GABRG3: variants seen among roughly 807,000 people sequenced by gnomAD.
GABRG3 encodes the protein gamma-aminobutyric acid type A receptor subunit gamma3.
GABRG3 carries 25 observed loss-of-function variants against 48.8 expected under a neutral mutation model. That is an observed-to-expected ratio of 0.51 (90% CI 0.37 to 0.72). The LOEUF (loss-of-function observed/expected upper bound fraction) is 0.72, where lower values mean the gene tolerates loss of function less well. Ranked by LOEUF, GABRG3 falls within the 30% of genes least tolerant of loss-of-function variation. The pLI, the probability that GABRG3 is intolerant of heterozygous loss-of-function variation, is 0.00. For synonymous variants in GABRG3, 227 were observed against 217.6 expected (o/e 1.04, Z -0.38); for missense variants, 394 against 577.9 (o/e 0.68, Z 3.26).
chr15:27,166,282 A>G (rs889414288), intron 3 of GABRG3, among the ~76,000 whole-genome samples: 3 of 152,212 alleles, frequency 2.0e-5, no homozygotes, highest in African/African-American at 4.8e-5. Flanking sequence ...TCTTTGAACA[A>G]ATTTTCTTAT....
intron 3 of GABRG3, among the ~76,000 whole-genome samples, chr15:27,046,572 A>G (rs1276650042): frequency 1.3e-5 from 2 of 152,180 alleles, no homozygotes; most frequent in East Asian, 1.9e-4. Flanking sequence ...TGGCTTGTCC[A>G]TCTTTCATTC....
chr15:27,464,816 A>G (rs1397867707), intron 5 of GABRG3, among the ~76,000 whole-genome samples: 3 of 152,072 alleles, frequency 2.0e-5, no homozygotes, highest in African/African-American at 7.2e-5. Context: ...TTGTCTTTGT[A>G]TTGTTGACGT....
chr15:27,238,692 C>T (rs1032556653), intron 3 of GABRG3, among the ~76,000 whole-genome samples: 2 of 152,140 alleles, frequency 1.3e-5, no homozygotes, highest in African/African-American at 4.8e-5. Flanking sequence ...CATATATTCC[C>T]GTTTTCTTTC....
At chr15:27,326,687 G>A in intron 3 of GABRG3, 122 bp from the exon 4 acceptor site, 2 of 744,588 alleles carry the variant, frequency 2.7e-6, no homozygotes, top group Non-Finnish European at 4.6e-6. Flanking sequence ...GTCTCTATCA[G>A]AAAGAGAATT....
chr15:27,087,317 CTTCACCTCGGGG>C (rs1315297721), intron 3 of GABRG3, among the ~76,000 whole-genome samples: 2 of 152,214 alleles, frequency 1.3e-5, no homozygotes, highest in African/African-American at 4.8e-5. Flanking sequence ...GGCCTGCATG[CTTCACCTCGGGG>C]TCCACAGTTC....
At chr15:27,292,194 G>A (rs1054868918) in intron 3 of GABRG3, among the ~76,000 whole-genome samples, 15 of 150,664 alleles carry the variant, frequency 1.0e-4, no homozygotes, top group Non-Finnish European at 1.8e-4. Context: ...TCATTGATGG[G>A]CATTTGGATT....
In GABRG3 at chr15:27,338,392, C is replaced by G. The variant is rs150073124; in HGVS notation, c.574+9504C>G. 3.4e-3 allele frequency among the ~76,000 whole-genome samples: 516 copies of G among 152,232 alleles called. 2 individuals are homozygous for G. The highest frequency in any genetic ancestry group is 0.012 in the African/African-American group (496 of 41,530). ...CCATCTCTCTTTTTAAACATACTTG[C>G]TATGAGGAGATGCCAGAAAACCAAA... On this transcript the variant is annotated intron_variant, in intron 5 of 9. Coordinates refer to ENST00000615808, the MANE Select transcript of GABRG3 (RefSeq NM_033223.5).
intron 6 of GABRG3, among the ~76,000 whole-genome samples, chr15:27,511,505 C>G (rs570565210): frequency 2.0e-5 from 3 of 152,338 alleles, no homozygotes; most frequent in African/African-American, 7.2e-5. Flanking sequence ...ACTATACCTA[C>G]CCCTGTAGCT....
At chr15:27,459,040 A>G (rs1000604213) in intron 5 of GABRG3, among the ~76,000 whole-genome samples, 7 of 152,112 alleles carry the variant, frequency 4.6e-5, no homozygotes, top group African/African-American at 1.2e-4. Context: ...TCCAACACCC[A>G]TAAGTCTTCT....
intron 3 of GABRG3, among the ~76,000 whole-genome samples, chr15:27,071,907 G>A (rs1896833463): frequency 6.6e-6 from 1 of 152,268 alleles, no homozygotes; most frequent in South Asian, 2.1e-4. Context: ...ACAGTTGTGG[G>A]GATAAGAAAA....
At chr15:27,020,226 C>G (rs1397196407) in intron 2 of GABRG3, among the ~76,000 whole-genome samples, 1 of 152,208 alleles carries the variant, frequency 6.6e-6, no homozygotes, top group East Asian at 1.9e-4. Flanking sequence ...CCTCACTTGA[C>G]ACGTCTGCTC....
chr15:27,349,227 C>A (rs1401997814), intron 5 of GABRG3, among the ~76,000 whole-genome samples: 1 of 151,772 alleles, frequency 6.6e-6, no homozygotes, highest in Non-Finnish European at 1.5e-5. Context: ...TTTATAAATA[C>A]TATATATACG....
chr15:27,440,562 G>T (rs1328671927), intron 5 of GABRG3, among the ~76,000 whole-genome samples: 2 of 152,296 alleles, frequency 1.3e-5, no homozygotes, highest in East Asian at 3.9e-4. Context: ...AGGCCTGTGT[G>T]AATCTTTGTT....
chr15:27,239,523 T>G (rs1307151647), intron 3 of GABRG3, among the ~76,000 whole-genome samples: 1 of 152,258 alleles, frequency 6.6e-6, no homozygotes, highest in East Asian at 1.9e-4. Flanking sequence ...AACATGTATA[T>G]ACTTTTAAAC....
At chr15:27,122,818 C>T (rs1897754508) in intron 3 of GABRG3, among the ~76,000 whole-genome samples, 1 of 152,224 alleles carries the variant, frequency 6.6e-6, no homozygotes, top group African/African-American at 2.4e-5. Context: ...CTTAGTAAAG[C>T]AGCGGAGACC....
chr15:27,224,215 G>A (rs148354641), intron 3 of GABRG3, among the ~76,000 whole-genome samples: 35 of 152,334 alleles, frequency 2.3e-4, no homozygotes, highest in Non-Finnish European at 3.4e-4. Context: ...GGTGCTTTCC[G>A]TGTGTGCCAG....
At chr15:27,483,762 T>C (rs1890153465) in intron 6 of GABRG3, among the ~76,000 whole-genome samples, 2 of 152,158 alleles carry the variant, frequency 1.3e-5, no homozygotes, top group Admixed American at 6.5e-5. Context: ...GATCACAGCT[T>C]AGTGTACTAA....
chr15:27,308,586 A>G lies in GABRG3; in HGVS notation c.271-18223A>G, dbSNP rs541273618. The stretch of plus-strand genomic sequence containing the variant: ...TTATATAAACATAATGTAAACATAC[A>G]TTTATATATAAACATAATGTAAACA... On this transcript the variant is annotated intron_variant, in intron 3 of 9. Transcript: ENST00000615808. Among the ~76,000 whole-genome samples, 1,386 of 146,228 alleles carry G rather than the reference A, an allele frequency of 9.5e-3. 17 individuals are homozygous for G. The highest frequency in any genetic ancestry group is 0.03 in the African/African-American group (1,233 of 40,910).
intron 5 of GABRG3, among the ~76,000 whole-genome samples, chr15:27,406,628 A>G (rs1887643381): frequency 6.6e-6 from 1 of 152,304 alleles, no homozygotes; most frequent in South Asian, 2.1e-4. Context: ...GTCGTCAAAA[A>G]CAAGGCACGA....
Sources: gnomAD v4.1 joint callset for allele counts (sites outside exome capture counted in the v4.1 genomes callset) on GRCh38, gnomAD v4.1.1 for gene constraint, MANE v1.5 for transcripts, NCBI Gene and HGNC (gene_info 2026-07-23, HGNC 2026-07-21) for gene names.